The following ZNF44 variants were observed in gnomAD, a reference collection of about 807,000 sequenced individuals.
ZNF44 encodes the protein zinc finger protein 44, also known as gonadotropin inducible transcription repressor-2.
ZNF44 carries 9 observed loss-of-function variants against 11.7 expected under a neutral mutation model. The observed-to-expected ratio is 0.77, with a 90% CI of 0.46 to 1.35. The LOEUF (loss-of-function observed/expected upper bound fraction) is 1.35, where lower values mean the gene tolerates loss of function less well. Among genes scored for constraint, ZNF44 ranks in the 40% most tolerant of loss-of-function variants. ZNF44 has a pLI of 0.00. For missense variants in ZNF44, 696 were observed against 743.1 expected (o/e 0.94, Z 0.74); for synonymous variants, 224 against 242.7 (o/e 0.92, Z 0.72).
Position 12,272,268 on chromosome 19 carries a change from G to C in ZNF44, c.*139C>G. ...TCTGCCCTCCTCGGCCTCTCAAAGT[G>C]CTGGGATTACAGGTGTGAGCCGCTG... On this transcript the variant is annotated 3_prime_UTR_variant, in exon 4 of 4. Transcript: ENST00000355684. 1 of 1,318,516 alleles carries C rather than the reference G, an allele frequency of 7.6e-7. No individual in the cohort carries two copies. Among genetic ancestry groups the C allele is most frequent in the Non-Finnish European group, 9.7e-7 (1 of 1,036,108 alleles). 81.7% of individuals were successfully genotyped at this position (1,318,516 alleles called of 1,614,324 possible). A position where few individuals can be genotyped will look rare whatever the true frequency, so the allele number is the denominator to read the frequency against.
chr19:12,282,498 T>G (rs146701085), intron 1 of ZNF44, among the ~76,000 whole-genome samples: 1,502 of 149,398 alleles, frequency 0.01, 15 homozygotes, highest in Middle Eastern at 0.024. Context: ...CTCAGCTCAC[T>G]GCAACCTCCG....
chr19:12,226,941 C>CTGTA, intron 3 of ZNF44, among the ~76,000 whole-genome samples: 1 of 152,162 alleles, frequency 6.6e-6, no homozygotes, highest in Non-Finnish European at 1.5e-5. Flanking sequence ...TGGCGAACGC[C>CTGTA]TGTAATCCCA....
chr19:12,290,972 T>C (rs1326232136), intron 1 of ZNF44: 1 of 209,840 alleles, frequency 4.8e-6, no homozygotes, highest in African/African-American at 2.4e-5. Context: ...CAAAACTCCA[T>C]GTGTGATGAA....
chr19:12,284,595 T>C, intron 1 of ZNF44: 1 of 716,430 alleles, frequency 1.4e-6, no homozygotes, highest in Non-Finnish European at 2.5e-6. Flanking sequence ...CATTGACTTG[T>C]TCCTGGGGGC....
intron 5 of ZNF44, among the ~76,000 whole-genome samples, chr19:12,263,168 C>A (rs1200197542): frequency 6.6e-6 from 1 of 151,994 alleles, no homozygotes; most frequent in Non-Finnish European, 1.5e-5. Context: ...CTCACCGCAA[C>A]CTCCATCTCA....
At chr19:12,275,911 CA>C in intron 2 of ZNF44, 44 bp downstream of exon 2, 5 of 1,543,836 alleles carry the variant, frequency 3.2e-6, no homozygotes, top group Non-Finnish European at 4.4e-6. Context: ...GACCACAAAA[CA>C]AATGTCTCTA....
At chr19:12,274,150 T>C (rs1183156993) in intron 3 of ZNF44, 87 bp from the exon 4 acceptor site, 25 of 1,219,942 alleles carry the variant, frequency 2.0e-5, no homozygotes, top group Non-Finnish European at 2.4e-5. Context: ...TTTAACATTA[T>C]CAGGCAAGCT....
chr19:12,281,685 G>GA (rs1320731629), intron 1 of ZNF44, among the ~76,000 whole-genome samples: 4 of 152,022 alleles, frequency 2.6e-5, no homozygotes, highest in South Asian at 4.2e-4. Context: ...AGTTAACTCA[G>GA]AAAAAAGAGG....
At chr19:12,291,284 CT>C (rs749551515) in intron 1 of ZNF44, 22 of 448,976 alleles carry the variant, frequency 4.9e-5, no homozygotes, top group Non-Finnish European at 9.8e-5. Context: ...TTTGATAAAG[CT>C]TTATAATTCA....
chr19:12,237,593 G>T, upstream of ZNF44: 1 of 153,084 alleles, frequency 6.5e-6, no homozygotes, highest in South Asian at 1.9e-4. Flanking sequence ...GAGCCCCTTA[G>T]ACTTGCGGAG....
intron 1 of ZNF44, among the ~76,000 whole-genome samples, chr19:12,276,638 A>G (rs1316196946): frequency 6.6e-6 from 1 of 152,190 alleles, no homozygotes; most frequent in East Asian, 1.9e-4. Context: ...TCCTCAGCAG[A>G]GGAAGTGTAC....
chr19:12,246,365 C>T (rs1050883399), downstream of ZNF44, among the ~76,000 whole-genome samples: 1 of 152,092 alleles, frequency 6.6e-6, no homozygotes. Flanking sequence ...TATTGTATAA[C>T]CTTGGCCCAC....
In ZNF44 at chr19:12,273,038, C is replaced by G. The variant is rs191559777; in HGVS notation, c.1217G>C (p.Ser406Thr). Residue 406 changes from serine (S) to threonine (T), a missense_variant, in exon 4 of 4, where the codon AGT (serine) becomes ACT (threonine). Coordinates refer to ENST00000355684, the MANE Select transcript of ZNF44 (RefSeq NM_016264.4). ...TVCGKAFDSP[S>T]VFQRHERTHT... ...AGTCCTTTCATGTCTTTGAAATACA[C>G]TAGGAGAATCAAAGGCTTTCCCACA... 8 of 1,613,872 alleles carry G rather than the reference C, an allele frequency of 5.0e-6. No homozygotes were observed. The highest frequency in any genetic ancestry group is 1.1e-5 in the South Asian group (1 of 91,074).
chr19:12,245,201 A>C (rs1916738713), downstream of ZNF44, among the ~76,000 whole-genome samples: 1 of 152,234 alleles, frequency 6.6e-6, no homozygotes, highest in Non-Finnish European at 1.5e-5. Flanking sequence ...CTGACTCATT[A>C]TTTAGAATGT....
At chr19:12,266,406 C>A in intron 5 of ZNF44, 1 of 938,128 alleles carries the variant, frequency 1.1e-6, no homozygotes, top group Non-Finnish European at 1.3e-6. Context: ...CCCGAGGGCG[C>A]CAAGGCGAGA....
At chr19:12,239,403 T>A (rs1274178950), upstream of ZNF44, among the ~76,000 whole-genome samples, 1 of 145,798 alleles carries the variant, frequency 6.9e-6, no homozygotes, top group East Asian at 2.0e-4. Context: ...AGTGAGCGAC[T>A]GCACCTGGCC....
chr19:12,250,161 C>T, intron 6 of ZNF44: 1 of 1,261,472 alleles, frequency 7.9e-7, no homozygotes, highest in Non-Finnish European at 1.0e-6. Context: ...TCACATTCCA[C>T]ATCTTGGAAT....
At chr19:12,240,350 C>T (rs1916569698), upstream of ZNF44, among the ~76,000 whole-genome samples, 1 of 149,106 alleles carries the variant, frequency 6.7e-6, no homozygotes, top group South Asian at 2.1e-4. Context: ...GAGGCTGAGG[C>T]AGGAGAATTA....
At chr19:12,227,780 A>ATACT (rs1915982507) in intron 3 of ZNF44, among the ~76,000 whole-genome samples, 3 of 152,242 alleles carry the variant, frequency 2.0e-5, no homozygotes, top group Admixed American at 2.0e-4. Flanking sequence ...TACCAATAAC[A>ATACT]TACTTATACA....
Sources: allele counts gnomAD v4.1 joint callset (sites outside exome capture counted in the v4.1 genomes callset), GRCh38; gene constraint gnomAD v4.1.1; transcripts MANE v1.5; gene names NCBI Gene and HGNC (gene_info 2026-07-23, HGNC 2026-07-21).